GPC6: variants seen among roughly 807,000 people sequenced by gnomAD.
GPC6 encodes glypican-6.
A neutral mutation model predicts 55.2 loss-of-function variants in GPC6; 14 were observed. The observed-to-expected ratio is 0.25, with a 90% CI of 0.17 to 0.40. GPC6 has a LOEUF of 0.40. Ranked by LOEUF, GPC6 falls within the 10% of genes least tolerant of loss-of-function variation. The pLI is 1.00. For missense variants in GPC6, 641 were observed against 708.5 expected, an observed-to-expected ratio of 0.90 and a Z score of 1.08; for synonymous variants, 278 against 259.6, an observed-to-expected ratio of 1.07 and a Z score of -0.68.
At chr13:93,308,086 C>T (rs1397593744) in intron 1 of GPC6, among the ~76,000 whole-genome samples, 1 of 152,032 alleles carries the variant, frequency 6.6e-6, no homozygotes, top group Admixed American at 6.5e-5. Flanking sequence ...AGATCGAGAC[C>T]ATCCTGGCTA....
At chr13:93,506,738 T>C (rs573567535) in intron 1 of GPC6, among the ~76,000 whole-genome samples, 2 of 151,962 alleles carry the variant, frequency 1.3e-5, no homozygotes, top group South Asian at 2.1e-4. Flanking sequence ...ATAAGGAATG[T>C]ACTTTAAAAA....
At chr13:93,901,756 C>A (rs1217221150) in intron 3 of GPC6, among the ~76,000 whole-genome samples, 1 of 151,794 alleles carries the variant, frequency 6.6e-6, no homozygotes, top group Non-Finnish European at 1.5e-5. Flanking sequence ...CAAAAAGTAG[C>A]CGGGCGTGGT....
intron 4 of GPC6, among the ~76,000 whole-genome samples, chr13:94,198,315 T>A (rs1889644819): frequency 6.6e-6 from 1 of 152,232 alleles, no homozygotes. Flanking sequence ...TCAGCCTCTC[T>A]GAGCCTTAGT....
intron 1 of GPC6, among the ~76,000 whole-genome samples, chr13:93,285,760 T>C (rs1238698414): frequency 6.6e-6 from 1 of 151,934 alleles, no homozygotes; most frequent in Non-Finnish European, 1.5e-5. Flanking sequence ...TTTTTCTAAG[T>C]CATGTCAAAA....
intron 1 of GPC6, among the ~76,000 whole-genome samples, chr13:93,473,024 G>A (rs976741304): frequency 1.3e-5 from 2 of 152,192 alleles, no homozygotes; most frequent in African/African-American, 4.8e-5. Flanking sequence ...AGCTGTGGCT[G>A]AGCCTGGGGC....
At chr13:94,340,595 T>C (rs7986556) in intron 6 of GPC6, among the ~76,000 whole-genome samples, 12,981 of 152,272 alleles carry the variant, frequency 0.085, 619 homozygotes, top group African/African-American at 0.11. Context: ...GTATACATGA[T>C]GTGTAACTAT....
At position 93,718,271 on chromosome 13, in the gene GPC6, G is replaced by A. The variant is rs190867682; in HGVS notation, c.320-111883G>A. On this transcript the variant is annotated intron_variant, in intron 2 of 8. Coordinates refer to ENST00000377047, the MANE Select transcript of GPC6 (RefSeq NM_005708.5). ...ATTTCTCCACATCCTCTCCAGCACC[G>A]GTTGTTTCCTGACTTTTTAATCATT... Among the ~76,000 whole-genome samples the A allele has an allele frequency of 1.1e-4, 16 of 151,760 alleles. No individual in the cohort carries two copies. In the East Asian group the frequency reaches 1.9e-3, roughly 18 times the overall value.
At chr13:93,309,784 G>A (rs185164414) in intron 1 of GPC6, among the ~76,000 whole-genome samples, 1 of 152,336 alleles carries the variant, frequency 6.6e-6, no homozygotes, top group East Asian at 1.9e-4. Flanking sequence ...ATGTTACACA[G>A]TGTAATAGTT....
intron 2 of GPC6, among the ~76,000 whole-genome samples, chr13:93,772,649 T>C (rs1389646324): frequency 6.6e-6 from 1 of 151,998 alleles, no homozygotes; most frequent in Non-Finnish European, 1.5e-5. Flanking sequence ...TGGAAAGAAA[T>C]CAAAGGCAAA....
intron 2 of GPC6, among the ~76,000 whole-genome samples, chr13:93,570,544 A>G (rs943522187): frequency 6.6e-6 from 1 of 152,150 alleles, no homozygotes; most frequent in Non-Finnish European, 1.5e-5. Flanking sequence ...TGAAGATGAG[A>G]GACAAAGAGA....
chr13:93,221,558 T>C, the GPC6 span, among the ~76,000 whole-genome samples: 2 of 152,178 alleles, frequency 1.3e-5, no homozygotes, highest in African/African-American at 4.8e-5. Flanking sequence ...TTTTAATTGG[T>C]TTATATTAGC....
intron 1 of GPC6, among the ~76,000 whole-genome samples, chr13:93,380,693 A>G (rs967966608): frequency 2.6e-5 from 4 of 152,108 alleles, no homozygotes; most frequent in Non-Finnish European, 5.9e-5. Context: ...ACTGTCATGG[A>G]AAAGCAGTCA....
At chr13:93,743,957 G>A (rs551958966) in intron 2 of GPC6, among the ~76,000 whole-genome samples, 43 of 152,156 alleles carry the variant, frequency 2.8e-4, no homozygotes, top group Middle Eastern at 3.4e-3. Context: ...CTGACTTTAC[G>A]TTAGTGAAAT....
intron 1 of GPC6, among the ~76,000 whole-genome samples, chr13:93,329,087 T>C (rs1324682414): frequency 6.6e-6 from 1 of 152,176 alleles, no homozygotes; most frequent in Non-Finnish European, 1.5e-5. Flanking sequence ...TTTCCTCTCT[T>C]GGTAACCTAG....
intron 6 of GPC6, among the ~76,000 whole-genome samples, chr13:94,351,962 CAAAAAAAAAA>C (rs60206836): frequency 7.9e-5 from 8 of 101,550 alleles, no homozygotes; most frequent in African/African-American, 3.0e-4. Context: ...GAGAAGAAGG[CAAAAAAAAAA>C]AAAAAAAAAA....
In GPC6 at chr13:94,249,478, T is replaced by G. The variant is rs116072479; in HGVS notation, c.878-36871T>G. On this transcript the variant is annotated intron_variant, in intron 4 of 8. Coordinates refer to ENST00000377047, the MANE Select transcript of GPC6 (RefSeq NM_005708.5). ...CTTATTTGTATGACCCCCTAAGATA[T>G]CTTTTATATTAACAGACACTTGCAT... 3.3e-3 allele frequency among the ~76,000 whole-genome samples: 496 copies of G among 152,186 alleles called. 5 individuals carry two copies. The highest frequency in any genetic ancestry group is 0.011 in the African/African-American group (471 of 41,514).
chr13:93,731,723 G>A (rs183358898), intron 2 of GPC6, among the ~76,000 whole-genome samples: 137 of 152,198 alleles, frequency 9.0e-4, no homozygotes, highest in East Asian at 1.7e-3. Context: ...GGATGTGAGC[G>A]TGAATTGTAT....
In GPC6 at chr13:94,185,635, G is replaced by A. The variant is rs577358643; in HGVS notation, c.878-100714G>A. ...AAAGATACCATCAATGTAAAAAAAAGAATATGGTCATTAGATGCAGTCTAT... is the reference window on the plus strand; with the variant it reads ...AAAGATACCATCAATGTAAAAAAAAAAATATGGTCATTAGATGCAGTCTAT... On this transcript the variant is annotated intron_variant, in intron 4 of 8. Transcript: ENST00000377047. 2.6e-4 allele frequency among the ~76,000 whole-genome samples: 39 copies of A among 152,016 alleles called. 1 individual carries two copies. The highest frequency in any genetic ancestry group is 9.4e-4 in the African/African-American group (39 of 41,472).
intron 2 of GPC6, among the ~76,000 whole-genome samples, chr13:93,769,123 A>G (rs1340850297): frequency 6.6e-6 from 1 of 152,072 alleles, no homozygotes; most frequent in Non-Finnish European, 1.5e-5. Context: ...TCTTTTTCTC[A>G]GGGATAAGGT....
Sources: allele counts gnomAD v4.1 joint callset (sites outside exome capture counted in the v4.1 genomes callset), GRCh38; gene constraint gnomAD v4.1.1; transcripts MANE v1.5; gene names NCBI Gene and HGNC (gene_info 2026-07-23, HGNC 2026-07-21).